RBFOX1: variants seen among roughly 807,000 people sequenced by gnomAD.
RBFOX1 encodes the protein RNA binding fox-1 homolog 1, also known as RNA binding protein fox-1 homolog 1.
In RBFOX1, 8 loss-of-function variants were observed where a neutral mutation model predicts 57.7. The ratio of observed to expected loss-of-function variants is 0.14; its 90% CI spans 0.08 to 0.25. RBFOX1 has a LOEUF of 0.25. Among genes scored for constraint, RBFOX1 ranks in the 10% least tolerant of loss-of-function variants. The pLI is 1.00. For synonymous variants in RBFOX1, 326 were observed against 222.4 expected (o/e 1.47, Z -4.15); for missense variants, 611 against 548.5 (o/e 1.11, Z -1.14).
At chr16:5,466,111 G>C (rs745952134) in intron 1 of RBFOX1, among the ~76,000 whole-genome samples, 1 of 152,228 alleles carries the variant, frequency 6.6e-6, no homozygotes, top group East Asian at 1.9e-4. Flanking sequence ...TCCCACTTTA[G>C]GTGGGAAATC....
rs1048912800 is a variant in RBFOX1, at chr16:7,709,791, G to A, written c.1071+660G>A. On this transcript the variant is annotated intron_variant, in intron 15 of 15. Coordinates refer to ENST00000550418, the MANE Select transcript of RBFOX1 (RefSeq NM_018723.4). ...GTAAAAAATGGGAGGTAAGGGTGGGGTGAACTTGCCTGTACTTGTTCAAAC... is the reference window on the plus strand; with the variant it reads ...GTAAAAAATGGGAGGTAAGGGTGGGATGAACTTGCCTGTACTTGTTCAAAC... The A allele has an allele frequency of 5.3e-6, 6 of 1,139,664 alleles. No homozygotes were observed. The African/African-American group carries it at 9.7e-5, about 18-fold the overall frequency. 70.6% of individuals were successfully genotyped at this position (1,139,664 alleles called of 1,614,324 possible). A position where few individuals can be genotyped will look rare whatever the true frequency, so the allele number is the denominator to read the frequency against.
chr16:6,226,367 C>G (rs1255308430), intron 1 of RBFOX1, among the ~76,000 whole-genome samples: 2 of 84,316 alleles, frequency 2.4e-5, no homozygotes, highest in Admixed American at 1.9e-4. Context: ...GAGTGAAACT[C>G]TGTCTCCAAA....
At chr16:7,350,963 T>G (rs2097119895) in intron 4 of RBFOX1, among the ~76,000 whole-genome samples, 1 of 152,222 alleles carries the variant, frequency 6.6e-6, no homozygotes, top group South Asian at 2.1e-4. Context: ...AGATCAGTCT[T>G]GAGTGCTTTA....
intron 4 of RBFOX1, among the ~76,000 whole-genome samples, chr16:7,389,579 C>T (rs555318931): frequency 1.3e-5 from 2 of 152,242 alleles, no homozygotes; most frequent in Non-Finnish European, 2.9e-5. Context: ...TTGCTTTAGC[C>T]AAATCCTATG....
intron 3 of RBFOX1, among the ~76,000 whole-genome samples, chr16:5,654,150 C>T (rs1258856525): frequency 6.6e-6 from 1 of 152,138 alleles, no homozygotes; most frequent in Non-Finnish European, 1.5e-5. Context: ...TCAGTCTGGA[C>T]GAGTCGTTTT....
At chr16:5,952,436 C>G in intron 4 of RBFOX1, among the ~76,000 whole-genome samples, 1 of 152,046 alleles carries the variant, frequency 6.6e-6, no homozygotes, top group East Asian at 1.9e-4. Context: ...TAGTCGTGTG[C>G]CACCATGCCC....
intron 4 of RBFOX1, among the ~76,000 whole-genome samples, chr16:6,009,031 C>G (rs939292329): frequency 2.6e-5 from 4 of 151,686 alleles, no homozygotes. Context: ...AATGCCTTTT[C>G]GACTAAAAAT....
At chr16:5,828,485 G>A (rs1332029971) in intron 3 of RBFOX1, among the ~76,000 whole-genome samples, 4 of 152,138 alleles carry the variant, frequency 2.6e-5, no homozygotes, top group South Asian at 2.1e-4. Context: ...GGATCGCGAG[G>A]TCAATAGATC....
chr16:6,586,689 A>C (rs1239507353), intron 2 of RBFOX1, among the ~76,000 whole-genome samples: 1 of 152,174 alleles, frequency 6.6e-6, no homozygotes, highest in Non-Finnish European at 1.5e-5. Flanking sequence ...CAGCAGGGAT[A>C]CGCTTACATC....
intron 2 of RBFOX1, among the ~76,000 whole-genome samples, chr16:5,535,490 A>G (rs1396342210): frequency 2.6e-5 from 4 of 152,214 alleles, no homozygotes; most frequent in Non-Finnish European, 5.9e-5. Flanking sequence ...AGCAGTCCCC[A>G]GTCCCAAGGA....
At chr16:7,269,434 C>T (rs531422533) in intron 4 of RBFOX1, among the ~76,000 whole-genome samples, 3 of 151,974 alleles carry the variant, frequency 2.0e-5, no homozygotes, top group Non-Finnish European at 4.4e-5. Context: ...TTTTTGGGGT[C>T]TCTGTGTGTG....
chr16:7,595,824 C>G (rs1322417072), intron 8 of RBFOX1, among the ~76,000 whole-genome samples, 183 bp downstream of exon 8: 2 of 147,460 alleles, frequency 1.4e-5, no homozygotes, highest in Non-Finnish European at 3.0e-5. Flanking sequence ...TTTAATTTTA[C>G]TTTATTATGT....
intron 2 of RBFOX1, among the ~76,000 whole-genome samples, chr16:6,319,690 G>T (rs967160700): frequency 1.3e-5 from 2 of 152,166 alleles, no homozygotes; most frequent in Non-Finnish European, 2.9e-5. Context: ...CCAGGAACCA[G>T]CATCTGTTTT....
intron 3 of RBFOX1, among the ~76,000 whole-genome samples, chr16:5,842,016 C>G (rs908846115): frequency 1.3e-5 from 2 of 152,222 alleles, no homozygotes; most frequent in African/African-American, 4.8e-5. Flanking sequence ...CCTCCTCTCC[C>G]TGTGCTGATG....
chr16:5,353,860 C>T (rs1200233682), intron 1 of RBFOX1, among the ~76,000 whole-genome samples: 3 of 152,072 alleles, frequency 2.0e-5, no homozygotes, highest in Non-Finnish European at 4.4e-5. Context: ...CAGAGATCAA[C>T]AAGACATGGC....
intron 4 of RBFOX1, among the ~76,000 whole-genome samples, chr16:7,299,828 C>T (rs919514316): frequency 3.3e-5 from 5 of 152,194 alleles, no homozygotes; most frequent in African/African-American, 1.2e-4. Context: ...ACATGCTCCT[C>T]AGTTTACAAT....
chr16:7,032,084 CG>C (rs2042943811), intron 3 of RBFOX1, among the ~76,000 whole-genome samples: 1 of 151,986 alleles, frequency 6.6e-6, no homozygotes, highest in African/African-American at 2.4e-5. Context: ...TTCGGATGGC[CG>C]TAGTGTCCCC....
At chr16:7,707,344 G>C (rs761219980) in intron 14 of RBFOX1, among the ~76,000 whole-genome samples, 1 of 152,082 alleles carries the variant, frequency 6.6e-6, no homozygotes, top group South Asian at 2.1e-4. Flanking sequence ...ACATGTATTG[G>C]ATTGGTATCA....
At chr16:5,469,209 T>C (rs1196270334) in intron 2 of RBFOX1, among the ~76,000 whole-genome samples, 8 of 152,352 alleles carry the variant, frequency 5.3e-5, no homozygotes, top group African/African-American at 1.9e-4. Flanking sequence ...TTTGCACTGC[T>C]GGGAGCTTCT....
Sources: allele counts gnomAD v4.1 joint callset (sites outside exome capture counted in the v4.1 genomes callset), GRCh38; gene constraint gnomAD v4.1.1; transcripts MANE v1.5; gene names NCBI Gene and HGNC (gene_info 2026-07-23, HGNC 2026-07-21).